DOCK1: variants seen among roughly 807,000 people sequenced by gnomAD.
DOCK1 encodes the protein dedicator of cytokinesis 1.
DOCK1 carries 138 observed loss-of-function variants against 262.7 expected under a neutral mutation model. The ratio of observed to expected loss-of-function variants is 0.53; its 90% confidence interval spans 0.46 to 0.61. The LOEUF (loss-of-function observed/expected upper bound fraction) is 0.61, where lower values mean the gene tolerates loss of function less well. Ranked by LOEUF, DOCK1 falls within the 20% of genes least tolerant of loss-of-function variation. DOCK1 has a pLI of 0.00. For synonymous variants in DOCK1, 866 were observed against 867.4 expected, an observed-to-expected ratio of 1.00 and a Z score of 0.03; for missense variants, 1,908 against 2,370.7, an observed-to-expected ratio of 0.80 and a Z score of 4.05.
At chr10:127,163,350 A>G (rs2053759309) in intron 27 of DOCK1, among the ~76,000 whole-genome samples, 1 of 151,936 alleles carries the variant, frequency 6.6e-6, no homozygotes, top group African/African-American at 2.4e-5. Context: ...ATTTATCGCC[A>G]TGGAGTATAC....
At chr10:127,168,075 G>C (rs960454431) in intron 27 of DOCK1, among the ~76,000 whole-genome samples, 7 of 152,176 alleles carry the variant, frequency 4.6e-5, no homozygotes, top group Non-Finnish European at 1.5e-5. Flanking sequence ...ACAGAGAAAA[G>C]CTGAGGTCCA....
Position 127,373,872 on chromosome 10 carries a change from T to G in DOCK1, c.3518+6T>G. The G allele has an allele frequency of 6.3e-7, 1 of 1,599,840 alleles. No homozygotes were observed. Among genetic ancestry groups the G allele is most frequent in the Non-Finnish European group, 8.5e-7 (1 of 1,172,456 alleles). On this transcript the variant is annotated splice_donor_region_variant and intron_variant, in intron 34 of 51. Coordinates refer to ENST00000623213, the MANE Select transcript of DOCK1 (RefSeq NM_001290223.2). ...AAAGTGTTATTTGATAAAATGTAAG[T>G]GTTGATTAGCAGTGGGATTTATGTC... is the stretch of plus-strand genomic sequence containing the variant.
chr10:127,289,101 TTTG>T lies in DOCK1; in HGVS notation c.3044+31678_3044+31680del, dbSNP rs542918102. Among the ~76,000 whole-genome samples the T allele has an allele frequency of 3.1e-3, 475 of 152,294 alleles. 1 individual carries two copies. The highest frequency in any genetic ancestry group is 0.011 in the African/African-American group (452 of 41,574). ...CCCTACAGGAAACCACTTTTATTCATTTGTTGTTTATATATTGTAACTTAACTT... is the reference window on the plus strand; with the variant it reads ...CCCTACAGGAAACCACTTTTATTCATTTGTTTATATATTGTAACTTAACTT... On this transcript the variant is annotated intron_variant, in intron 29 of 51. Coordinates refer to ENST00000623213, the MANE Select transcript of DOCK1 (RefSeq NM_001290223.2).
At chr10:127,332,930 C>G (rs994455904) in intron 29 of DOCK1, among the ~76,000 whole-genome samples, 3 of 152,158 alleles carry the variant, frequency 2.0e-5, no homozygotes, top group African/African-American at 7.2e-5. Flanking sequence ...TATCACTTCA[C>G]CTCAACTTGC....
At chr10:127,208,743 A>C (rs2057835402) in intron 27 of DOCK1, among the ~76,000 whole-genome samples, 1 of 152,090 alleles carries the variant, frequency 6.6e-6, no homozygotes, top group Non-Finnish European at 1.5e-5. Context: ...TTAGCACCCC[A>C]CTTTCAAATT....
chr10:126,967,752 T>A (rs1215769179), intron 1 of DOCK1, among the ~76,000 whole-genome samples: 29 of 152,198 alleles, frequency 1.9e-4, no homozygotes, highest in Admixed American at 1.9e-3. Context: ...TATAAGGACC[T>A]TTGTGATTAC....
rs377729347 is a variant in DOCK1, at chr10:127,175,440, C to T, written c.2847+47676C>T. The stretch of plus-strand genomic sequence containing the variant: ...GGTGTGAGTCTGCGACGGCTGCTCA[C>T]TACATTCGGGGGACAGGCACTGCAT... On this transcript the variant is annotated intron_variant, in intron 27 of 51. Transcript: ENST00000623213. This position sits in a 1 kb window ranked among gnomAD's most constrained non-coding sequence, Gnocchi z 6.3. The T allele has an allele frequency of 3.0e-5, 48 of 1,612,358 alleles. No individual in the cohort carries two copies. The highest frequency in any genetic ancestry group is 1.9e-4 in the African/African-American group (14 of 74,928).
chr10:126,962,831 G>A (rs1211977642), intron 1 of DOCK1, among the ~76,000 whole-genome samples: 1 of 152,108 alleles, frequency 6.6e-6, no homozygotes, highest in Non-Finnish European at 1.5e-5. Flanking sequence ...TTGTTCCTCT[G>A]TGTTTTCTTC....
At chr10:127,294,151 C>T (rs2061430151) in intron 29 of DOCK1, among the ~76,000 whole-genome samples, 1 of 152,204 alleles carries the variant, frequency 6.6e-6, no homozygotes, top group South Asian at 2.1e-4. Context: ...TCTCTTCCAT[C>T]CTCATGGTAC....
intron 29 of DOCK1, among the ~76,000 whole-genome samples, chr10:127,291,533 C>T (rs563130529): frequency 3.5e-4 from 53 of 152,312 alleles, no homozygotes; most frequent in African/African-American, 1.2e-3. Context: ...GTGTTGGGAG[C>T]GCCAGCTTTG....
At chr10:127,252,868 G>A (rs1238907628) in intron 28 of DOCK1, among the ~76,000 whole-genome samples, 5 of 151,974 alleles carry the variant, frequency 3.3e-5, no homozygotes, top group African/African-American at 9.7e-5. Flanking sequence ...TTGGCGATGC[G>A]GGCTCTTTTT....
rs2069895003 is a variant in DOCK1, at chr10:127,439,090, G to A, written c.5124G>A (p.Lys1708=). ...CCAGGTCCCAGGACAAGCTGGACAA[G>A]GATGACCTGGAGAAGGAGAAGAAGG... ...MHSRSQDKLD[K]DDLEKEKKDK... is the part of the protein sequence containing the mutation. The change falls in exon 49 of 52, where the codon AAG becomes AAA. Residue 1708 remains lysine, a synonymous_variant. Coordinates refer to ENST00000623213, the MANE Select transcript of DOCK1 (RefSeq NM_001290223.2). The A allele has an allele frequency of 1.3e-5, 20 of 1,565,648 alleles. No homozygotes were observed. The highest frequency in any genetic ancestry group is 1.7e-5 in the Non-Finnish European group (20 of 1,154,796).
At chr10:127,036,964 C>T (rs948888199) in intron 18 of DOCK1, among the ~76,000 whole-genome samples, 28 of 129,750 alleles carry the variant, frequency 2.2e-4, no homozygotes, top group African/African-American at 5.9e-4. Flanking sequence ...GCAGCAAGAG[C>T]GAAACGCCAT....
chr10:127,002,620 C>G (rs1278272815), intron 10 of DOCK1, among the ~76,000 whole-genome samples: 1 of 152,106 alleles, frequency 6.6e-6, no homozygotes, highest in East Asian at 1.9e-4. Flanking sequence ...ATTACAGAAG[C>G]CTGGGTTATT....
intron 23 of DOCK1, among the ~76,000 whole-genome samples, chr10:127,096,062 CA>C (rs1162266231): frequency 6.6e-6 from 1 of 152,184 alleles, no homozygotes; most frequent in Non-Finnish European, 1.5e-5. Context: ...GAATTGATTA[CA>C]AAAAGTATTT....
intron 27 of DOCK1, among the ~76,000 whole-genome samples, chr10:127,147,516 T>C (rs2052004397): frequency 6.6e-6 from 1 of 152,034 alleles, no homozygotes; most frequent in Admixed American, 6.6e-5. Context: ...TACAGAGGGC[T>C]CTCTCTCGCC....
chr10:127,212,559 T>G (rs2058027502), intron 27 of DOCK1, among the ~76,000 whole-genome samples: 1 of 152,100 alleles, frequency 6.6e-6, no homozygotes, highest in African/African-American at 2.4e-5. Context: ...TTTCTTTAGC[T>G]CCCTCTGTGC....
intron 29 of DOCK1, among the ~76,000 whole-genome samples, chr10:127,301,388 G>A (rs192113140): frequency 3.1e-4 from 47 of 152,272 alleles, no homozygotes; most frequent in Admixed American, 1.8e-3. Flanking sequence ...AAATAACTCC[G>A]ATATTAGGAT....
intron 22 of DOCK1, among the ~76,000 whole-genome samples, chr10:127,058,871 C>T (rs2045349443): frequency 6.6e-6 from 1 of 152,068 alleles, no homozygotes; most frequent in Non-Finnish European, 1.5e-5. Context: ...TTCCATAAGA[C>T]ATTACTGTTA....
Sources: allele counts gnomAD v4.1 joint callset (sites outside exome capture counted in the v4.1 genomes callset), GRCh38; gene constraint gnomAD v4.1.1; non-coding constraint Gnocchi (gnomAD v3.1); transcripts MANE v1.5; gene names NCBI Gene and HGNC (gene_info 2026-07-23, HGNC 2026-07-21).